CDH12: variants seen among roughly 807,000 people sequenced by gnomAD.
CDH12 encodes the protein cadherin 12.
A neutral mutation model predicts 74.1 loss-of-function variants in CDH12; 41 were observed. The observed-to-expected ratio is 0.55, with a 90% confidence interval of 0.43 to 0.72. The LOEUF (loss-of-function observed/expected upper bound fraction) is 0.72, where lower values mean the gene tolerates loss of function less well. Among genes scored for constraint, CDH12 ranks in the 30% least tolerant of loss-of-function variants. The probability of loss-of-function intolerance (pLI) is 0.00; values close to 1 mark genes in which losing one functional copy is unlikely to be tolerated. For synonymous variants in CDH12, 399 were observed against 355.0 expected (o/e 1.12, Z -1.39); for missense variants, 945 against 977.2 (o/e 0.97, Z 0.44).
At chr5:22,668,616 C>A (rs1042887011) in intron 1 of CDH12, among the ~76,000 whole-genome samples, 1 of 152,140 alleles carries the variant, frequency 6.6e-6, no homozygotes, top group African/African-American at 2.4e-5. Flanking sequence ...CTCTCTTCCT[C>A]TTCTTTTAAA....
At chr5:22,286,200 G>A (rs1554027890) in intron 3 of CDH12, among the ~76,000 whole-genome samples, 1 of 152,028 alleles carries the variant, frequency 6.6e-6, no homozygotes, top group Non-Finnish European at 1.5e-5. Context: ...CAGAAACAAT[G>A]CAGACAGAAA....
chr5:22,590,420 T>C (rs910602105), intron 1 of CDH12, among the ~76,000 whole-genome samples: 1 of 152,090 alleles, frequency 6.6e-6, no homozygotes, highest in Non-Finnish European at 1.5e-5. Flanking sequence ...ACATGTAAAG[T>C]CTGGATCTTT....
chr5:21,817,182 T>C, intron 8 of CDH12, 50 bp from the exon 9 acceptor site: 2 of 1,248,918 alleles, frequency 1.6e-6, no homozygotes, highest in Non-Finnish European at 1.1e-6. Context: ...GTAAGAGATA[T>C]AGTAAGATTA....
chr5:22,481,515 T>A (rs1040451320), intron 2 of CDH12, among the ~76,000 whole-genome samples: 2 of 152,142 alleles, frequency 1.3e-5, no homozygotes, highest in African/African-American at 2.4e-5. Flanking sequence ...GGTATATTAT[T>A]GAGCCTTAAA....
At chr5:21,970,717 G>A (rs975416578) in intron 6 of CDH12, among the ~76,000 whole-genome samples, 2 of 151,526 alleles carry the variant, frequency 1.3e-5, no homozygotes, top group Non-Finnish European at 2.9e-5. Flanking sequence ...GTGCACACCT[G>A]TAATCCCAGT....
intron 1 of CDH12, among the ~76,000 whole-genome samples, chr5:22,787,138 C>CCACACA (rs147255137): frequency 3.4e-5 from 5 of 148,662 alleles, no homozygotes; most frequent in Non-Finnish European, 4.5e-5. Flanking sequence ...CACACACACA[C>CCACACA]CACACACACA....
rs183319613 is a variant in CDH12 at position 22,184,751 on chromosome 5, G to T, written c.-187+27747C>A. ...AGCCAGCCATGACCCTTACTCTGCT[G>T]TGAATATCATTCCCCCCAACAGTAG... On this transcript the variant is annotated intron_variant, in intron 4 of 14. Transcript: ENST00000382254. 6.2e-3 allele frequency among the ~76,000 whole-genome samples: 950 copies of T among 152,280 alleles called. 5 individuals carry two copies. Among genetic ancestry groups the T allele is most frequent in the South Asian group, 0.015 (74 of 4,826 alleles).
intron 1 of CDH12, among the ~76,000 whole-genome samples, chr5:22,575,753 C>T (rs1013496028): frequency 2.0e-5 from 3 of 151,890 alleles, no homozygotes; most frequent in South Asian, 2.1e-4. Context: ...TTAGTAGAGA[C>T]AGGGTTTCAT....
At chr5:21,966,165 T>C (rs1756574305) in intron 6 of CDH12, among the ~76,000 whole-genome samples, 1 of 151,442 alleles carries the variant, frequency 6.6e-6, no homozygotes, top group African/African-American at 2.4e-5. Flanking sequence ...TACGTTTTTT[T>C]TTTTTTTTTT....
chr5:21,991,191 T>G (rs1341700227), intron 5 of CDH12, among the ~76,000 whole-genome samples: 1 of 151,866 alleles, frequency 6.6e-6, no homozygotes, highest in Non-Finnish European at 1.5e-5. Context: ...AGGGAGTCAG[T>G]TTTTTGAATA....
intron 4 of CDH12, among the ~76,000 whole-genome samples, chr5:22,159,953 G>T (rs1343634374): frequency 6.6e-6 from 1 of 152,170 alleles, no homozygotes; most frequent in Non-Finnish European, 1.5e-5. Context: ...GCCTGTGTGT[G>T]TATGATTCTT....
chr5:22,844,238 T>G (rs139334706), intron 1 of CDH12, among the ~76,000 whole-genome samples: 55 of 152,200 alleles, frequency 3.6e-4, no homozygotes, highest in African/African-American at 1.3e-3. Context: ...ACATTAAGGT[T>G]TCCTATAATA....
intron 8 of CDH12, among the ~76,000 whole-genome samples, chr5:21,838,068 G>A (rs191306373): frequency 5.4e-4 from 82 of 152,172 alleles, no homozygotes; most frequent in African/African-American, 1.8e-3. Flanking sequence ...TTAATATGAC[G>A]TTAAACTGGA....
intron 8 of CDH12, among the ~76,000 whole-genome samples, chr5:21,832,788 CATATAATATATATATTATCATATA>C (rs1217895029): frequency 9.6e-5 from 10 of 103,850 alleles, no homozygotes; most frequent in African/African-American, 4.8e-4. Context: ...TAATATATAT[CATATAATATATATATTATCATATA>C]ATATATGATA....
chr5:22,292,307 T>G (rs188157249), intron 3 of CDH12, among the ~76,000 whole-genome samples: 161 of 151,394 alleles, frequency 1.1e-3, no homozygotes, highest in Middle Eastern at 6.8e-3. Context: ...CAACACTTTT[T>G]TTTGGTTGTT....
intron 7 of CDH12, among the ~76,000 whole-genome samples, chr5:21,851,462 T>C (rs1750462442): frequency 6.6e-6 from 1 of 150,442 alleles, no homozygotes; most frequent in Non-Finnish European, 1.5e-5. Flanking sequence ...AGTGAAATAA[T>C]TTATATAATA....
intron 4 of CDH12, among the ~76,000 whole-genome samples, chr5:22,093,909 T>G (rs1416986453): frequency 1.3e-5 from 2 of 152,172 alleles, no homozygotes; most frequent in Non-Finnish European, 2.9e-5. Flanking sequence ...TCCCAATTCA[T>G]GTGTTAATAT....
At chr5:22,796,583 G>A (rs1231042016) in intron 1 of CDH12, among the ~76,000 whole-genome samples, 3 of 94,470 alleles carry the variant, frequency 3.2e-5, no homozygotes, top group East Asian at 3.6e-4. Context: ...GCAGTGGCGG[G>A]ATCTCGGCTC....
intron 3 of CDH12, among the ~76,000 whole-genome samples, chr5:22,334,604 A>G (rs1036921450): frequency 6.6e-6 from 1 of 152,204 alleles, no homozygotes; most frequent in African/African-American, 2.4e-5. Context: ...ACTTTGTACT[A>G]CAGAGCTATA....
Sources: gnomAD v4.1 joint callset for allele counts (sites outside exome capture counted in the v4.1 genomes callset) on GRCh38, gnomAD v4.1.1 for gene constraint, MANE v1.5 for transcripts, NCBI Gene and HGNC (gene_info 2026-07-23, HGNC 2026-07-21) for gene names.